GTF2I: variants seen among roughly 807,000 people sequenced by gnomAD.
The protein encoded by GTF2I is general transcription factor II-I.
GTF2I carries 12 observed loss-of-function variants against 67.6 expected under a neutral mutation model. The ratio of observed to expected loss-of-function variants is 0.18; its 90% CI spans 0.11 to 0.29. The LOEUF (loss-of-function observed/expected upper bound fraction) is 0.29. GTF2I is among the 10% of genes least tolerant of loss of function. GTF2I has a pLI of 1.00. For missense variants in GTF2I, 271 were observed against 580.1 expected (o/e 0.47, Z 5.47); for synonymous variants, 149 against 197.0 (o/e 0.76, Z 2.04).
At chr7:74,752,021 AGACAGCAT>A in intron 27 of GTF2I, 61 bp from the exon 28 acceptor site, 1 of 489,900 alleles carries the variant, frequency 2.0e-6, no homozygotes, top group Non-Finnish European at 3.6e-6. Context: ...AAACAGTCTC[AGACAGCAT>A]GATTATTAGA....
Position 74,731,115 on chromosome 7 carries a change from C to G in GTF2I, c.1120+821C>G, listed in dbSNP as rs587755753. Among the ~76,000 whole-genome samples the G allele has an allele frequency of 4.0e-5, 6 of 151,810 alleles. No homozygotes were observed. In the South Asian group the frequency reaches 1.3e-3, roughly 32 times the overall value. On this transcript the variant is annotated intron_variant, in intron 14 of 34. Coordinates refer to ENST00000573035, the MANE Select transcript of GTF2I (RefSeq NM_032999.4). ...CCTTTATATAATGATCAAAGAAATT[C>G]GCAATTTGTTATTATCATTTTTATT... is the stretch of plus-strand genomic sequence containing the variant.
chr7:74,705,162 A>G lies in GTF2I; in HGVS notation c.587-2A>G, dbSNP rs782403470. 1.6e-5 allele frequency: 25 copies of G among 1,584,666 alleles called. No homozygotes were observed. The South Asian group carries it at 1.8e-4, about 11-fold the overall frequency. ...ACTCCAATTTTTTTTTTTTGTATGTAGGTGGTCGTGTGATGGTAACAGATG... is the reference window on the plus strand; with the variant it reads ...ACTCCAATTTTTTTTTTTTGTATGTGGGTGGTCGTGTGATGGTAACAGATG... On this transcript the variant is annotated splice_acceptor_variant, in intron 6 of 34. Coordinates refer to ENST00000573035, the MANE Select transcript of GTF2I (RefSeq NM_032999.4). LOFTEE classifies it high-confidence loss of function.
At chr7:74,661,605 A>G (rs1554386601) in intron 1 of GTF2I, among the ~76,000 whole-genome samples, 3 of 152,060 alleles carry the variant, frequency 2.0e-5, no homozygotes. Context: ...TCTTGAACCC[A>G]GGAGGTGGAG....
chr7:74,681,479 G>A lies in GTF2I; in HGVS notation c.-5-7645G>A, dbSNP rs587729581. Among the ~76,000 whole-genome samples, 34 of 152,080 alleles carry A rather than the reference G, an allele frequency of 2.2e-4. 1 individual carries two copies. The South Asian group carries it at 7.1e-3, about 32-fold the overall frequency. ...AAAAGAAAAAAAAATGGGAAAGAAG[G>A]CATACCAGGCTCACATAGCTGTTAT... On this transcript the variant is annotated intron_variant, in intron 1 of 34. Coordinates refer to ENST00000573035, the MANE Select transcript of GTF2I (RefSeq NM_032999.4).
chr7:74,708,103 C>T (rs1408822817), intron 8 of GTF2I, among the ~76,000 whole-genome samples: 2 of 151,940 alleles, frequency 1.3e-5, no homozygotes, highest in African/African-American at 4.8e-5. Context: ...AGTTGGAGAC[C>T]GGCCTGGCCA....
chr7:74,705,250 TC>T (rs1307553750), intron 7 of GTF2I, 32 bp downstream of exon 7: 2 of 1,308,790 alleles, frequency 1.5e-6, no homozygotes, highest in Non-Finnish European at 1.1e-6. Context: ...GCTGTTTAAC[TC>T]CCACACCTCA....
intron 1 of GTF2I, among the ~76,000 whole-genome samples, chr7:74,662,495 C>T (rs1415998805): frequency 1.4e-5 from 2 of 139,084 alleles, no homozygotes; most frequent in Non-Finnish European, 3.0e-5. Flanking sequence ...CAGGCGTGAG[C>T]CACTGCACCT....
At chr7:74,660,362 T>G (rs1282678489) in intron 1 of GTF2I, among the ~76,000 whole-genome samples, 1 of 151,146 alleles carries the variant, frequency 6.6e-6, no homozygotes, top group Non-Finnish European at 1.5e-5. Flanking sequence ...CCGCTAATAT[T>G]TGTATTTTTA....
At position 74,669,781 on chromosome 7, in the gene GTF2I, T is replaced by C. The variant is rs189001614; in HGVS notation, c.-6+11713T>C. Among the ~76,000 whole-genome samples the C allele has an allele frequency of 2.6e-5, 4 of 152,280 alleles. No individual in the cohort carries two copies. In the East Asian group the frequency reaches 7.7e-4, roughly 29 times the overall value. On this transcript the variant is annotated intron_variant, in intron 1 of 34. Transcript: ENST00000573035. Reference sequence around the variant, plus strand: ...TTCCTGACTTTGTGATCCACTCACTTCGACCTCCCAAAGTGCGGGGATTAC... The same window carrying C: ...TTCCTGACTTTGTGATCCACTCACTCCGACCTCCCAAAGTGCGGGGATTAC...
intron 7 of GTF2I, 94 bp from the exon 8 acceptor site, chr7:74,706,296 G>A: frequency 4.1e-6 from 4 of 984,168 alleles, no homozygotes; most frequent in Non-Finnish European, 4.8e-6. Flanking sequence ...GGTCAAGGGA[G>A]GGATCTTAAC....
At chr7:74,677,989 T>C (rs1309712586) in intron 1 of GTF2I, among the ~76,000 whole-genome samples, 2 of 152,004 alleles carry the variant, frequency 1.3e-5, no homozygotes, top group Non-Finnish European at 2.9e-5. Flanking sequence ...TTTTTTGGAA[T>C]AGGGGGACAA....
chr7:74,729,489 T>G (rs1794247365), intron 13 of GTF2I, among the ~76,000 whole-genome samples: 1 of 143,668 alleles, frequency 7.0e-6, no homozygotes, highest in Non-Finnish European at 1.5e-5. Flanking sequence ...TTTATTATTA[T>G]TTTTTTGAGA....
At chr7:74,677,781 C>CA (rs67938540) in intron 1 of GTF2I, among the ~76,000 whole-genome samples, 22 of 72,142 alleles carry the variant, frequency 3.0e-4, no homozygotes, top group Admixed American at 7.9e-4. Flanking sequence ...GATTCTGTCT[C>CA]AAAAAAAAAA....
At chr7:74,725,049 T>C (rs1452121376) in intron 12 of GTF2I, among the ~76,000 whole-genome samples, 3 of 152,234 alleles carry the variant, frequency 2.0e-5, no homozygotes, top group African/African-American at 7.2e-5. Context: ...ACAAAAATGG[T>C]TGTTTATACT....
chr7:74,750,841 CATG>C (rs1246994650), intron 26 of GTF2I, among the ~76,000 whole-genome samples: 1 of 31,890 alleles, frequency 3.1e-5, no homozygotes, highest in African/African-American at 1.4e-4. Context: ...CCCCTGACCT[CATG>C]ATCCGCCTGC....
chr7:74,670,033 T>G (rs1805318648), intron 1 of GTF2I, among the ~76,000 whole-genome samples: 1 of 152,214 alleles, frequency 6.6e-6, no homozygotes, highest in South Asian at 2.1e-4. Flanking sequence ...TGCAGTTTGT[T>G]GGGAAATAAG....
intron 1 of GTF2I, among the ~76,000 whole-genome samples, chr7:74,677,655 A>G (rs915219020): frequency 6.6e-6 from 1 of 151,178 alleles, no homozygotes; most frequent in Non-Finnish European, 1.5e-5. Context: ...GGTGACATAC[A>G]CCTGTAATCC....
At position 74,687,647 on chromosome 7, in the gene GTF2I, A is replaced by G; in HGVS notation, c.-5-1477A>G. 5.2e-6 allele frequency: 3 copies of G among 581,702 alleles called. No homozygotes were observed. In the South Asian group the frequency reaches 2.3e-4, roughly 44 times the overall value. 36.0% of individuals were successfully genotyped at this position (581,702 alleles called of 1,614,324 possible). A position where few individuals can be genotyped will look rare whatever the true frequency, so the allele number is the denominator to read the frequency against. The stretch of plus-strand genomic sequence containing the variant: ...ATAAAGCTAGATCACAGTCTTTAAT[A>G]ATAGGGAAATAGAGCATCCTCTTTA... On this transcript the variant is annotated intron_variant, in intron 1 of 34. Coordinates refer to ENST00000573035, the MANE Select transcript of GTF2I (RefSeq NM_032999.4).
intron 6 of GTF2I, among the ~76,000 whole-genome samples, chr7:74,701,593 G>A (rs1411246840): frequency 6.6e-6 from 1 of 151,942 alleles, no homozygotes; most frequent in African/African-American, 2.4e-5. Context: ...TCAGCCTCCC[G>A]AGTAGCTGGG....
Sources: gnomAD v4.1 joint callset for allele counts (sites outside exome capture counted in the v4.1 genomes callset) on GRCh38, gnomAD v4.1.1 for gene constraint, MANE v1.5 for transcripts, NCBI Gene and HGNC (gene_info 2026-07-23, HGNC 2026-07-21) for gene names.